Variants in ADGRB3 observed in about 807,000 individuals in gnomAD.
The protein encoded by ADGRB3 is adhesion G protein-coupled receptor B3.
ADGRB3 carries 37 observed loss-of-function variants against 193.4 expected under a neutral mutation model. That is an observed-to-expected ratio of 0.19 (90% CI 0.15 to 0.25). ADGRB3 has a LOEUF of 0.25. Among genes scored for constraint, ADGRB3 ranks in the 10% least tolerant of loss-of-function variants. The probability of loss-of-function intolerance (pLI) is 1.00; values close to 1 mark genes in which losing one functional copy is unlikely to be tolerated. For missense variants in ADGRB3, 1,637 were observed against 1,852.9 expected (o/e 0.88, Z 2.14); for synonymous variants, 690 against 644.2 (o/e 1.07, Z -1.08).
chr6:69,099,116 TCAC>T (rs1703040876), intron 17 of ADGRB3, among the ~76,000 whole-genome samples: 1 of 152,226 alleles, frequency 6.6e-6, no homozygotes, highest in African/African-American at 2.4e-5. Context: ...TTTTTGGTTG[TCAC>T]CACTAGGGTG....
intron 3 of ADGRB3, among the ~76,000 whole-genome samples, chr6:68,739,615 T>C (rs967761041): frequency 6.6e-6 from 1 of 152,078 alleles, no homozygotes; most frequent in Non-Finnish European, 1.5e-5. Flanking sequence ...TTTACATTTT[T>C]TGAGAATAAA....
chr6:68,806,886 A>G (rs952284515), intron 3 of ADGRB3, among the ~76,000 whole-genome samples: 4 of 152,132 alleles, frequency 2.6e-5, no homozygotes, highest in Non-Finnish European at 5.9e-5. Flanking sequence ...ATAAGCATTC[A>G]TATTGTTACA....
At chr6:69,373,826 A>G (rs184766176) in intron 30 of ADGRB3, among the ~76,000 whole-genome samples, 7 of 152,250 alleles carry the variant, frequency 4.6e-5, no homozygotes, top group African/African-American at 9.6e-5. Context: ...GGCAAAATAT[A>G]GTAAAAACCT....
chr6:68,798,315 A>G (rs1009019693), intron 3 of ADGRB3, among the ~76,000 whole-genome samples: 2 of 152,216 alleles, frequency 1.3e-5, no homozygotes, highest in African/African-American at 2.4e-5. Flanking sequence ...AAGTATTAAG[A>G]GATGAATAAA....
At chr6:68,812,729 G>A (rs926416357) in intron 3 of ADGRB3, among the ~76,000 whole-genome samples, 2 of 151,734 alleles carry the variant, frequency 1.3e-5, no homozygotes, top group Non-Finnish European at 2.9e-5. Flanking sequence ...GAACGTGCAG[G>A]TTTGTTACAT....
intron 8 of ADGRB3, among the ~76,000 whole-genome samples, chr6:68,962,868 T>G (rs765968090): frequency 4.6e-5 from 7 of 152,188 alleles, no homozygotes; most frequent in Non-Finnish European, 1.0e-4. Context: ...CCCAGCACTC[T>G]TCTCTTTTGT....
chr6:68,794,333 ACATATATG>A lies in ADGRB3; in HGVS notation c.758-136218_758-136211del, dbSNP rs1239453303. On this transcript the variant is annotated intron_variant, in intron 3 of 31. Coordinates refer to ENST00000370598, the MANE Select transcript of ADGRB3 (RefSeq NM_001704.3). Reference sequence around the variant, plus strand: ...TATATATATATAAAATACACACTTTACATATATGCATATATACATAATTCATACTAGTC... The same window carrying A: ...TATATATATATAAAATACACACTTTACATATATACATAATTCATACTAGTC... Among the ~76,000 whole-genome samples the A allele has an allele frequency of 4.6e-5, 7 of 151,930 alleles. 1 individual carries two copies. In the South Asian group the frequency reaches 1.4e-3, roughly 31 times the overall value.
At chr6:69,002,907 A>T (rs1323582926) in intron 11 of ADGRB3, among the ~76,000 whole-genome samples, 1 of 152,114 alleles carries the variant, frequency 6.6e-6, no homozygotes, top group Non-Finnish European at 1.5e-5. Context: ...AATTTTCTCA[A>T]ACATCAGTAA....
intron 3 of ADGRB3, among the ~76,000 whole-genome samples, chr6:68,765,575 C>CACACACACAT (rs1766493922): frequency 6.6e-6 from 1 of 151,470 alleles, no homozygotes; most frequent in Non-Finnish European, 1.5e-5. Context: ...CACACACACA[C>CACACACACAT]ACCTGGAGCA....
At chr6:68,765,942 A>T (rs1278909460) in intron 3 of ADGRB3, among the ~76,000 whole-genome samples, 3 of 151,976 alleles carry the variant, frequency 2.0e-5, no homozygotes, top group African/African-American at 7.2e-5. Flanking sequence ...TGTTTTATTT[A>T]TTCAGTTTTT....
At chr6:69,275,957 C>G (rs1296931779) in intron 20 of ADGRB3, among the ~76,000 whole-genome samples, 1 of 152,124 alleles carries the variant, frequency 6.6e-6, no homozygotes, top group Non-Finnish European at 1.5e-5. Flanking sequence ...GGCTCTAGGC[C>G]TAGCCATTCT....
intron 26 of ADGRB3, among the ~76,000 whole-genome samples, chr6:69,343,571 G>A (rs1769025367): frequency 6.6e-6 from 1 of 152,012 alleles, no homozygotes; most frequent in Admixed American, 6.6e-5. Context: ...AATTTGGAAT[G>A]TTTGCATAAC....
chr6:69,030,791 A>G (rs1036764991), intron 13 of ADGRB3, among the ~76,000 whole-genome samples: 5 of 152,234 alleles, frequency 3.3e-5, no homozygotes, highest in South Asian at 4.1e-4. Flanking sequence ...CAAAACACAT[A>G]GACATAGCCA....
intron 17 of ADGRB3, among the ~76,000 whole-genome samples, chr6:69,138,497 T>C (rs1207264105): frequency 6.6e-6 from 1 of 152,184 alleles, no homozygotes. Context: ...AAAGTGAGAT[T>C]TAAAATAAAC....
intron 3 of ADGRB3, among the ~76,000 whole-genome samples, chr6:68,643,159 C>T (rs1007503374): frequency 1.3e-5 from 2 of 152,100 alleles, no homozygotes; most frequent in Non-Finnish European, 2.9e-5. Context: ...TGTATAGATT[C>T]CAGGAAATCT....
In ADGRB3 at chr6:68,973,339, G is replaced by A. The variant is rs190416429; in HGVS notation, c.1526-1424G>A. 5.9e-4 allele frequency among the ~76,000 whole-genome samples: 90 copies of A among 152,240 alleles called. 1 individual carries two copies. Among genetic ancestry groups the A allele is most frequent in the Non-Finnish European group, 1.1e-3 (76 of 68,002 alleles). On this transcript the variant is annotated intron_variant, in intron 8 of 31. Coordinates refer to ENST00000370598, the MANE Select transcript of ADGRB3 (RefSeq NM_001704.3). ...GATCTTCAGTGACACTGTCAGCTTTGTAATACCCATGTGTTCAAACCATTC... is the reference window on the plus strand; with the variant it reads ...GATCTTCAGTGACACTGTCAGCTTTATAATACCCATGTGTTCAAACCATTC...
intron 3 of ADGRB3, among the ~76,000 whole-genome samples, chr6:68,676,859 G>C (rs927288170): frequency 2.0e-5 from 3 of 152,028 alleles, no homozygotes; most frequent in Admixed American, 6.5e-5. Context: ...AAAGTGACTA[G>C]CTTCTTGAAA....
At chr6:69,249,033 A>C (rs1050353263) in intron 20 of ADGRB3, among the ~76,000 whole-genome samples, 1 of 152,246 alleles carries the variant, frequency 6.6e-6, no homozygotes, top group South Asian at 2.1e-4. Flanking sequence ...GCTGGAGTGC[A>C]GTAGCGCGAT....
intron 17 of ADGRB3, among the ~76,000 whole-genome samples, chr6:69,190,130 A>G (rs906585790): frequency 1.3e-5 from 2 of 152,184 alleles, no homozygotes; most frequent in African/African-American, 2.4e-5. Flanking sequence ...TGTACTGTTT[A>G]TCATTATTTC....
Sources: allele counts gnomAD v4.1 joint callset (sites outside exome capture counted in the v4.1 genomes callset), GRCh38; gene constraint gnomAD v4.1.1; transcripts MANE v1.5; gene names NCBI Gene and HGNC (gene_info 2026-07-23, HGNC 2026-07-21).